Variants in SDK1 observed in about 807,000 individuals in gnomAD.
SDK1 encodes the protein protein sidekick-1.
Under a neutral mutation model 245.5 loss-of-function variants are expected in SDK1, and 157 were observed. The observed-to-expected ratio is 0.64, with a 90% CI of 0.56 to 0.73. The LOEUF (loss-of-function observed/expected upper bound fraction) is 0.73, where lower values mean the gene tolerates loss of function less well. Among genes scored for constraint, SDK1 ranks in the 30% least tolerant of loss-of-function variants. SDK1 has a pLI of 0.00. For missense variants in SDK1, 3,583 were observed against 3,002.3 expected (o/e 1.19, Z -4.52); for synonymous variants, 1,647 against 1,278.5 (o/e 1.29, Z -6.15).
At chr7:3,723,471 C>T (rs1385876903) in intron 4 of SDK1, among the ~76,000 whole-genome samples, 1 of 152,126 alleles carries the variant, frequency 6.6e-6, no homozygotes. Context: ...GAGATTATTT[C>T]TTCAGTTTTT....
chr7:3,332,205 A>C (rs1161744593), intron 1 of SDK1, among the ~76,000 whole-genome samples: 1 of 152,188 alleles, frequency 6.6e-6, no homozygotes, highest in Non-Finnish European at 1.5e-5. Flanking sequence ...AACTTTAAAA[A>C]ATTTCTTTAT....
rs78787354 is a variant in SDK1, at chr7:4,080,703, G to A, written c.3324+1119G>A. On this transcript the variant is annotated intron_variant, in intron 22 of 44. Transcript: ENST00000404826. ...CTCACATCATCACACACCAGGGACT[G>A]TTGTGGCGTTGAGGGGGTGGGGAGG... 2.2e-4 allele frequency among the ~76,000 whole-genome samples: 33 copies of A among 152,232 alleles called. No homozygotes were observed. The East Asian group carries it at 4.6e-3, about 21-fold the overall frequency.
chr7:3,355,369 G>C (rs890876120), intron 1 of SDK1, among the ~76,000 whole-genome samples: 2 of 152,142 alleles, frequency 1.3e-5, no homozygotes, highest in African/African-American at 4.8e-5. Context: ...GGGGTGGAGT[G>C]CAATGGTGCG....
chr7:3,903,703 A>G (rs559880361), intron 5 of SDK1, among the ~76,000 whole-genome samples: 31 of 152,292 alleles, frequency 2.0e-4, no homozygotes, highest in Non-Finnish European at 2.5e-4. Flanking sequence ...AAATACTGCT[A>G]TGTGGTATGT....
chr7:4,252,061 C>CT (rs971833004), intron 44 of SDK1, among the ~76,000 whole-genome samples: 68 of 152,124 alleles, frequency 4.5e-4, no homozygotes, highest in Middle Eastern at 3.4e-3. Context: ...AATCCTTTCT[C>CT]TTTTTTTTAT....
At chr7:4,152,490 T>A (rs1391412542) in intron 30 of SDK1, among the ~76,000 whole-genome samples, 1 of 152,106 alleles carries the variant, frequency 6.6e-6, no homozygotes, top group East Asian at 1.9e-4. Flanking sequence ...GGAAAAAAAA[T>A]ATCCAGCCAC....
At chr7:3,812,264 T>G (rs974411511) in intron 4 of SDK1, among the ~76,000 whole-genome samples, 4 of 152,244 alleles carry the variant, frequency 2.6e-5, no homozygotes, top group Non-Finnish European at 4.4e-5. Flanking sequence ...TACTTAGAGA[T>G]TCCCTTCTTT....
At chr7:3,667,493 T>C (rs1290194179) in intron 4 of SDK1, among the ~76,000 whole-genome samples, 2 of 152,220 alleles carry the variant, frequency 1.3e-5, no homozygotes, top group Non-Finnish European at 2.9e-5. Context: ...CTTTTTGATA[T>C]ATAGCTTGAT....
At chr7:3,649,107 C>T (rs1270352711) in intron 4 of SDK1, among the ~76,000 whole-genome samples, 1 of 152,084 alleles carries the variant, frequency 6.6e-6, no homozygotes, top group African/African-American at 2.4e-5. Flanking sequence ...CCCACGTGTG[C>T]CCCTCAGTGG....
At chr7:3,403,868 T>TATATAA (rs1432926129) in intron 1 of SDK1, among the ~76,000 whole-genome samples, 10 of 108,902 alleles carry the variant, frequency 9.2e-5, no homozygotes, top group South Asian at 2.7e-4. Flanking sequence ...TATATATATA[T>TATATAA]AATATATATA....
At chr7:3,683,168 T>G (rs753285044) in intron 4 of SDK1, among the ~76,000 whole-genome samples, 4 of 152,210 alleles carry the variant, frequency 2.6e-5, no homozygotes, top group African/African-American at 4.8e-5. Context: ...ATGATATTTC[T>G]TGCTTTTTCG....
In SDK1 at chr7:4,254,956, T is replaced by C. The variant is rs1283841735; in HGVS notation, c.6381+9151T>C. 2.0e-5 allele frequency among the ~76,000 whole-genome samples: 3 copies of C among 152,226 alleles called. No homozygotes were observed. In the East Asian group the frequency reaches 5.8e-4, roughly 29 times the overall value. On this transcript the variant is annotated intron_variant, in intron 44 of 44. Transcript: ENST00000404826. ...GGATGGTTTACCATGATTGGCGTCATACCCAGCAGTTAACCTCCACTACGT... is the reference window on the plus strand; with the variant it reads ...GGATGGTTTACCATGATTGGCGTCACACCCAGCAGTTAACCTCCACTACGT...
At chr7:3,890,414 T>A (rs1781431957) in intron 5 of SDK1, among the ~76,000 whole-genome samples, 1 of 152,256 alleles carries the variant, frequency 6.6e-6, no homozygotes, top group Non-Finnish European at 1.5e-5. Context: ...AAATTGTAGA[T>A]GTGTTGGGTG....
At chr7:3,722,693 T>C (rs1039223660) in intron 4 of SDK1, among the ~76,000 whole-genome samples, 2 of 152,210 alleles carry the variant, frequency 1.3e-5, no homozygotes, top group African/African-American at 4.8e-5. Flanking sequence ...CCCAGACAGC[T>C]GCAGGCTGAA....
chr7:4,144,056 G>A (rs1012233264), intron 28 of SDK1, among the ~76,000 whole-genome samples: 1 of 152,110 alleles, frequency 6.6e-6, no homozygotes, highest in Non-Finnish European at 1.5e-5. Flanking sequence ...CACTGTGCAA[G>A]GGTCGGGGAA....
intron 5 of SDK1, among the ~76,000 whole-genome samples, chr7:3,827,144 C>A (rs554714084): frequency 6.6e-5 from 10 of 151,646 alleles, no homozygotes; most frequent in Non-Finnish European, 1.2e-4. Context: ...AAGCTATGAT[C>A]ATTTGCCCTC....
chr7:3,958,707 G>A (rs550682258), intron 7 of SDK1, among the ~76,000 whole-genome samples: 1 of 152,282 alleles, frequency 6.6e-6, no homozygotes, highest in Non-Finnish European at 1.5e-5. Flanking sequence ...CCCATAAACT[G>A]AAAAGTAGCC....
chr7:3,965,099 G>A (rs1448754977), intron 9 of SDK1, among the ~76,000 whole-genome samples: 1 of 152,154 alleles, frequency 6.6e-6, no homozygotes, highest in African/African-American at 2.4e-5. Flanking sequence ...GGCTTTGAAG[G>A]ATGTGGCCTA....
chr7:3,733,531 A>C (rs1487990788), intron 4 of SDK1, among the ~76,000 whole-genome samples: 1 of 152,158 alleles, frequency 6.6e-6, no homozygotes, highest in Non-Finnish European at 1.5e-5. Flanking sequence ...GCAGTGAGTG[A>C]CTGTAGACGT....
Sources: gnomAD v4.1 joint callset for allele counts (sites outside exome capture counted in the v4.1 genomes callset) on GRCh38, gnomAD v4.1.1 for gene constraint, MANE v1.5 for transcripts, NCBI Gene and HGNC (gene_info 2026-07-23, HGNC 2026-07-21) for gene names.